Variants in KCTD13 observed in about 807,000 individuals in gnomAD.
KCTD13 encodes potassium channel tetramerization domain containing 13.
A neutral mutation model predicts 32.3 loss-of-function variants in KCTD13; 15 were observed. That is an observed-to-expected ratio of 0.46 (90% CI 0.31 to 0.71). KCTD13 has a LOEUF of 0.71. Among genes scored for constraint, KCTD13 ranks in the 30% least tolerant of loss-of-function variants. KCTD13 has a pLI of 0.05. For missense variants in KCTD13, 337 were observed against 452.6 expected (o/e 0.74, Z 2.32); for synonymous variants, 189 against 200.1 (o/e 0.94, Z 0.47).
rs2068941478 is a variant in KCTD13, at chr16:29,923,198, C to A, written c.406G>T (p.Ala136Ser). 1.1e-5 allele frequency: 17 copies of A among 1,614,168 alleles called. No individual in the cohort carries two copies. Among genetic ancestry groups the A allele is most frequent in the Non-Finnish European group, 1.4e-5 (17 of 1,179,994 alleles). The change falls in exon 2 of 6, where the codon GCG (alanine) becomes TCG (serine). Residue 136 changes from alanine (A) to serine (S), a missense_variant. Coordinates refer to ENST00000568000, the MANE Select transcript of KCTD13 (RefSeq NM_178863.5). ...VQGLIEDCQL[A>S]LQQKRETLSP... The stretch of plus-strand genomic sequence containing the variant: ...ACTCCGAAGGCCCTCACCTGCAGCG[C>A]CAGCTGGCAGTCCTCAATCAGGCCC...
At chr16:29,912,104 C>T (rs1304725809) in intron 2 of KCTD13, 55 bp from the exon 3 acceptor site, 1 of 1,221,932 alleles carries the variant, frequency 8.2e-7, no homozygotes, top group Non-Finnish European at 1.2e-6. Flanking sequence ...CGTACTCCCC[C>T]ACTTAAAAGC....
chr16:29,906,633 G>C lies in KCTD13; in HGVS notation c.*239C>G. On this transcript the variant is annotated 3_prime_UTR_variant, in exon 6 of 6. Transcript: ENST00000568000. ...CTGGAGAGGGAAGGACGCAGGGCCA[G>C]GGTGGGGACAAGTGTTGGCTTCGGA... 1 of 666,668 alleles carries C rather than the reference G, an allele frequency of 1.5e-6. No homozygotes were observed. The highest frequency in any genetic ancestry group is 2.8e-6 in the Non-Finnish European group (1 of 360,990). 41.3% of individuals were successfully genotyped at this position (666,668 alleles called of 1,614,324 possible).
chr16:29,912,034 G>A lies in KCTD13; in HGVS notation c.430C>T (p.Leu144=). Residue 144 remains leucine (L), a synonymous_variant, in exon 3 of 6, where the codon CTG becomes TTG. Coordinates refer to ENST00000568000, the MANE Select transcript of KCTD13 (RefSeq NM_178863.5). Reference sequence around the variant, plus strand: ...ATGGGGATGAGGCACAGCGGGGACAGCGTCTCCCTTTTTTGCTGGGGAAGA... The same window carrying A: ...ATGGGGATGAGGCACAGCGGGGACAACGTCTCCCTTTTTTGCTGGGGAAGA... ...QLALQQKRET[L]SPLCLIPMVT... The A allele has an allele frequency of 6.2e-7, 1 of 1,608,104 alleles. No individual in the cohort carries two copies. The highest frequency in any genetic ancestry group is 8.5e-7 in the Non-Finnish European group (1 of 1,177,224).
At chr16:29,925,721 T>G in intron 1 of KCTD13, 69 bp downstream of exon 1, 1 of 1,458,798 alleles carries the variant, frequency 6.9e-7, no homozygotes, top group Non-Finnish European at 9.3e-7. Flanking sequence ...GGAGCCCCGG[T>G]GGTGAGAGAC....
chr16:29,918,761 G>A (rs1392180816), intron 2 of KCTD13, among the ~76,000 whole-genome samples: 2 of 152,060 alleles, frequency 1.3e-5, no homozygotes, highest in Admixed American at 6.6e-5. Flanking sequence ...AGGTTCAAGC[G>A]ATTCTCCTGC....
Position 29,906,935 on chromosome 16 carries a change from A to G in KCTD13, c.927T>C (p.His309=). 1.9e-6 allele frequency: 3 copies of G among 1,614,156 alleles called. No homozygotes were observed. The highest frequency in any genetic ancestry group is 2.5e-6 in the Non-Finnish European group (3 of 1,180,026). ...ENREHRVRRI[H]VRRHITHDER... Reference sequence around the variant, plus strand: ...CGTCGTGGGTGATATGGCGCCGGACATGGATCCTGCGGACACGGTGCTCTC... The same window carrying G: ...CGTCGTGGGTGATATGGCGCCGGACGTGGATCCTGCGGACACGGTGCTCTC... Residue 309 remains histidine (H), a synonymous_variant, in exon 6 of 6, where the codon CAT becomes CAC. Coordinates refer to ENST00000568000, the MANE Select transcript of KCTD13 (RefSeq NM_178863.5).
chr16:29,907,461 T>C (rs1199460019), intron 5 of KCTD13, among the ~76,000 whole-genome samples: 1 of 152,186 alleles, frequency 6.6e-6, no homozygotes, highest in Non-Finnish European at 1.5e-5. Flanking sequence ...GGAGGTTACA[T>C]TCTAGTGGGA....
chr16:29,925,727 G>C (rs957149096), intron 1 of KCTD13, 63 bp downstream of exon 1: 2 of 1,530,144 alleles, frequency 1.3e-6, no homozygotes, highest in Non-Finnish European at 1.8e-6. Context: ...CCGGTGGTGA[G>C]AGACTGCGGG....
At position 29,911,806 on chromosome 16, in the gene KCTD13, G is replaced by T. The variant is rs115298578; in HGVS notation, c.557+9C>A. On this transcript the variant is annotated intron_variant, in intron 4 of 5. Transcript: ENST00000568000. ...GGTCCCGCCCAGTGCCCCGCACCCC[G>T]GCGGTCACCTGGTGTAGGAGTACTT... The T allele has an allele frequency of 6.2e-7, 1 of 1,612,328 alleles. No homozygotes were observed. Among genetic ancestry groups the T allele is most frequent in the Non-Finnish European group, 8.5e-7 (1 of 1,179,612 alleles).
intron 2 of KCTD13, among the ~76,000 whole-genome samples, chr16:29,918,970 T>C (rs1271967572): frequency 6.6e-6 from 1 of 152,184 alleles, no homozygotes; most frequent in Non-Finnish European, 1.5e-5. Flanking sequence ...ATTTTTGTAT[T>C]TTTAATAGAG....
rs376191403 is a variant in KCTD13, at chr16:29,926,004, G to A, written c.30C>T (p.Ala10=). The A allele has an allele frequency of 9.5e-5, 150 of 1,580,518 alleles. No individual in the cohort carries two copies. Among genetic ancestry groups the A allele is most frequent in the Middle Eastern group, 7.8e-4 (4 of 5,134 alleles). ...GGGCTTCCAGGGACGGGGCCGCGGCGGCAGCCGGGCCCGAGGCCTCCGCCG... is the reference window on the plus strand; with the variant it reads ...GGGCTTCCAGGGACGGGGCCGCGGCAGCAGCCGGGCCCGAGGCCTCCGCCG... The part of the protein sequence containing the change: MSAEASGPA[A]AAAPSLEAPK... The change falls in exon 1 of 6, where the codon GCC becomes GCT. Residue 10 remains alanine (A), a synonymous_variant. Coordinates refer to ENST00000568000, the MANE Select transcript of KCTD13 (RefSeq NM_178863.5).
chr16:29,918,035 G>C (rs565153253), intron 2 of KCTD13, among the ~76,000 whole-genome samples: 1 of 152,188 alleles, frequency 6.6e-6, no homozygotes, highest in Non-Finnish European at 1.5e-5. Flanking sequence ...ACAGCATTAG[G>C]CAAAAAATGG....
chr16:29,911,816 T>C lies in KCTD13; in HGVS notation c.556A>G (p.Ser186Gly). The change falls in exon 4 of 6, where the codon AGC (serine) becomes GGC (glycine). Residue 186 changes from serine (S) to glycine (G), a missense_variant and splice_region_variant. This residue lies in a region of KCTD13 where 252 missense variants were observed against 340.2 expected (regional missense o/e 0.74). Coordinates refer to ENST00000568000, the MANE Select transcript of KCTD13 (RefSeq NM_178863.5). ...NRSNNKYSYT[S>G]TSDDNLLKNI... ...AGTGCCCCGCACCCCGGCGGTCACCTGGTGTAGGAGTACTTGTTGTTACTG... is the reference window on the plus strand; with the variant it reads ...AGTGCCCCGCACCCCGGCGGTCACCCGGTGTAGGAGTACTTGTTGTTACTG... The C allele has an allele frequency of 6.2e-7, 1 of 1,612,720 alleles. No individual in the cohort carries two copies. Among genetic ancestry groups the C allele is most frequent in the South Asian group, 1.1e-5 (1 of 90,960 alleles).
chr16:29,916,494 G>A (rs952863888), intron 2 of KCTD13, among the ~76,000 whole-genome samples: 5 of 152,188 alleles, frequency 3.3e-5, no homozygotes, highest in African/African-American at 1.2e-4. Flanking sequence ...TGAGGTTTCT[G>A]TTATGGCAGA....
In KCTD13 at chr16:29,911,916, G is replaced by A; in HGVS notation, c.504+44C>T. ...GAGAGGGGTGAGGCTGCAGGGAGAGGCCCCCCCAGTGAGCCTCCACCCTGC... is the reference window on the plus strand; with the variant it reads ...GAGAGGGGTGAGGCTGCAGGGAGAGACCCCCCCAGTGAGCCTCCACCCTGC... On this transcript the variant is annotated intron_variant, in intron 3 of 5. Coordinates refer to ENST00000568000, the MANE Select transcript of KCTD13 (RefSeq NM_178863.5). 3.1e-6 allele frequency: 5 copies of A among 1,608,458 alleles called. No individual in the cohort carries two copies. The Admixed American group carries it at 6.8e-5, about 22-fold the overall frequency.
At chr16:29,916,264 AT>A (rs2068807702) in intron 2 of KCTD13, among the ~76,000 whole-genome samples, 1 of 151,822 alleles carries the variant, frequency 6.6e-6, no homozygotes, top group Non-Finnish European at 1.5e-5. Flanking sequence ...TTTTCTTTTA[AT>A]TTTTTTAGAG....
At chr16:29,924,098 C>T (rs928383056) in intron 1 of KCTD13, among the ~76,000 whole-genome samples, 2 of 150,086 alleles carry the variant, frequency 1.3e-5, no homozygotes, top group Non-Finnish European at 3.0e-5. Context: ...TGCTTGAATC[C>T]GGGAGGTGGG....
At chr16:29,913,584 A>G (rs7201384) in intron 2 of KCTD13, 75,871 of 151,966 alleles carry the variant, frequency 0.5, 19,099 homozygotes, top group Non-Finnish European at 0.54. Context: ...GCTCCGGCAC[A>G]GGGTCTCTTC....
intron 5 of KCTD13, among the ~76,000 whole-genome samples, chr16:29,909,687 CCTTTT>C (rs1236116334): frequency 1.3e-5 from 2 of 151,468 alleles, no homozygotes; most frequent in Admixed American, 6.6e-5. Context: ...TCTGAGTTTC[CCTTTT>C]TTTTTTTTTT....
Sources: gnomAD v4.1 joint callset for allele counts (sites outside exome capture counted in the v4.1 genomes callset) on GRCh38, gnomAD v4.1.1 for gene constraint, gnomAD v4.1.1 regional missense constraint, MANE v1.5 for transcripts, NCBI Gene and HGNC (gene_info 2026-07-23, HGNC 2026-07-21) for gene names.